Variants in RAB12 observed in about 807,000 individuals in gnomAD.
The protein encoded by RAB12 is RAB12, member RAS oncogene family.
RAB12 carries 11 observed loss-of-function variants against 28.4 expected under a neutral mutation model. The observed-to-expected ratio is 0.39, with a 90% CI of 0.24 to 0.64. The LOEUF is 0.64. Ranked by LOEUF, RAB12 falls within the 30% of genes least tolerant of loss-of-function variation. The pLI, the probability that RAB12 is intolerant of heterozygous loss-of-function variation, is 0.50. For synonymous variants in RAB12, 138 were observed against 145.3 expected, an observed-to-expected ratio of 0.95 and a Z score of 0.36; for missense variants, 276 against 351.1, an observed-to-expected ratio of 0.79 and a Z score of 1.71.
At position 8,625,044 on chromosome 18, in the gene RAB12, C is replaced by T. The variant is rs748364966; in HGVS notation, c.575+46C>T. ...CCAGTAATGTGCTGTGTGTGTTTAACAGTCCATGTACTTGTCTAATAAAAT... is the reference window on the plus strand; with the variant it reads ...CCAGTAATGTGCTGTGTGTGTTTAATAGTCCATGTACTTGTCTAATAAAAT... On this transcript the variant is annotated intron_variant, in intron 2 of 5. Transcript: ENST00000649141. 1.8e-5 allele frequency: 22 copies of T among 1,225,846 alleles called. No homozygotes were observed. In the South Asian group the frequency reaches 2.7e-4, roughly 15 times the overall value. The allele number at this position is 1,225,846 out of a possible 1,614,324, so 75.9% of individuals were successfully genotyped here.
At chr18:8,632,707 A>G (rs866334203) in intron 2 of RAB12, among the ~76,000 whole-genome samples, 2 of 151,126 alleles carry the variant, frequency 1.3e-5, no homozygotes, top group Non-Finnish European at 3.0e-5. Flanking sequence ...ATGCATGTGT[A>G]TCAAGTGTGT....
intron 2 of RAB12, among the ~76,000 whole-genome samples, chr18:8,625,773 T>C (rs111409986): frequency 6.6e-6 from 1 of 152,348 alleles, no homozygotes; most frequent in African/African-American, 2.4e-5. Context: ...AGCTGCGGTG[T>C]ACTCAGCTTA....
At chr18:8,630,478 T>TA (rs1215066714) in intron 2 of RAB12, among the ~76,000 whole-genome samples, 2 of 152,184 alleles carry the variant, frequency 1.3e-5, no homozygotes, top group Non-Finnish European at 2.9e-5. Context: ...TTACCAGACT[T>TA]AAAGTGTGTG....
At position 8,635,519 on chromosome 18, in the gene RAB12, T is replaced by C. The variant is rs769702509; in HGVS notation, c.715-14T>C. On this transcript the variant is annotated splice_polypyrimidine_tract_variant and intron_variant, in intron 3 of 5. Transcript: ENST00000649141. ...GCCCATCTTTGAAATGTGGCTTCTT[T>C]TAAAATTCCACAGTATGCTTCAGAA... The C allele has an allele frequency of 1.9e-6, 3 of 1,600,608 alleles. No homozygotes were observed. Among genetic ancestry groups the C allele is most frequent in the Non-Finnish European group, 2.6e-6 (3 of 1,169,558 alleles).
chr18:8,628,519 G>A (rs553876174), intron 2 of RAB12, among the ~76,000 whole-genome samples: 1 of 152,296 alleles, frequency 6.6e-6, no homozygotes, highest in East Asian at 1.9e-4. Flanking sequence ...TAAGGAATGG[G>A]CTTAAATGGG....
At position 8,635,538 on chromosome 18, in the gene RAB12, T is replaced by C. The variant is rs2096018394; in HGVS notation, c.720T>C (p.Ala240=). ...CTTCTTTTAAAATTCCACAGTATGCTTCAGAAGATGCAGAGCTTCTCTTAG... is the reference window on the plus strand; with the variant it reads ...CTTCTTTTAAAATTCCACAGTATGCCTCAGAAGATGCAGAGCTTCTCTTAG... The part of the protein sequence containing the change: ...PKWMKMIDKY[A]SEDAELLLVG... The change falls in exon 4 of 6, where the codon GCT becomes GCC. Residue 240 remains alanine (A), a synonymous_variant. Transcript: ENST00000649141. 1.2e-6 allele frequency: 2 copies of C among 1,611,502 alleles called. No homozygotes were observed. Among genetic ancestry groups the C allele is most frequent in the Non-Finnish European group, 1.7e-6 (2 of 1,178,442 alleles).
intron 1 of RAB12, among the ~76,000 whole-genome samples, chr18:8,616,720 A>G (rs929725306): frequency 4.6e-5 from 7 of 151,948 alleles, no homozygotes; most frequent in Admixed American, 3.3e-4. Context: ...AAAAGAAAAA[A>G]GAGCAGCCTG....
intron 2 of RAB12, among the ~76,000 whole-genome samples, chr18:8,630,542 C>G (rs1372294091): frequency 6.6e-6 from 1 of 152,180 alleles, no homozygotes; most frequent in Non-Finnish European, 1.5e-5. Context: ...CACTGCTCAT[C>G]ATGGCCAGCA....
At chr18:8,628,558 T>C (rs188967331) in intron 2 of RAB12, among the ~76,000 whole-genome samples, 83 of 152,318 alleles carry the variant, frequency 5.4e-4, no homozygotes, top group African/African-American at 2.0e-3. Context: ...TGTTTCCTCA[T>C]TGGGATTTTT....
chr18:8,614,881 G>A (rs321659), intron 1 of RAB12, among the ~76,000 whole-genome samples: 3,880 of 152,278 alleles, frequency 0.025, 138 homozygotes, highest in African/African-American at 0.087. Flanking sequence ...ATCACCCCCA[G>A]CCAAAAGTTC....
At chr18:8,625,971 G>A (rs1377603248) in intron 2 of RAB12, among the ~76,000 whole-genome samples, 2 of 152,232 alleles carry the variant, frequency 1.3e-5, no homozygotes, top group African/African-American at 4.8e-5. Context: ...AAGCCGCAGT[G>A]CCTGCCTTCT....
intron 1 of RAB12, among the ~76,000 whole-genome samples, chr18:8,613,150 A>G (rs886170737): frequency 3.4e-5 from 5 of 148,566 alleles, no homozygotes; most frequent in Non-Finnish European, 7.4e-5. Context: ...TGAAAAACAG[A>G]GGTTGTATTT....
chr18:8,614,764 TTAG>T (rs1166074442), intron 1 of RAB12, among the ~76,000 whole-genome samples: 1 of 152,178 alleles, frequency 6.6e-6, no homozygotes, highest in East Asian at 1.9e-4. Flanking sequence ...TTTTGTATTT[TTAG>T]TAGTGACAGG....
At chr18:8,622,561 T>C (rs1448471929) in intron 1 of RAB12, among the ~76,000 whole-genome samples, 1 of 152,064 alleles carries the variant, frequency 6.6e-6, no homozygotes, top group Non-Finnish European at 1.5e-5. Flanking sequence ...CTTCACAAGG[T>C]AATAGACTAT....
chr18:8,626,503 T>C (rs1598311453), intron 2 of RAB12, among the ~76,000 whole-genome samples: 2 of 152,038 alleles, frequency 1.3e-5, no homozygotes, highest in East Asian at 3.8e-4. Context: ...GCAGTATTCT[T>C]TATAAAGTAT....
chr18:8,617,758 G>A (rs1057378599), intron 1 of RAB12, among the ~76,000 whole-genome samples: 14 of 152,100 alleles, frequency 9.2e-5, no homozygotes, highest in African/African-American at 2.4e-4. Flanking sequence ...GAGCACAGCC[G>A]GGAGCCAGGC....
chr18:8,635,729 A>G (rs2096018533), intron 4 of RAB12, 107 bp downstream of exon 4: 1 of 671,394 alleles, frequency 1.5e-6, no homozygotes, highest in African/African-American at 1.8e-5. Flanking sequence ...AATTATCAAT[A>G]CAGTGATAAC....
At chr18:8,624,515 G>A (rs970327484) in intron 1 of RAB12, among the ~76,000 whole-genome samples, 1 of 152,080 alleles carries the variant, frequency 6.6e-6, no homozygotes, top group African/African-American at 2.4e-5. Context: ...TCAGACTAAG[G>A]CTATTTGACT....
chr18:8,610,107 A>G, intron 1 of RAB12, 154 bp downstream of exon 1: 2 of 573,360 alleles, frequency 3.5e-6, no homozygotes, highest in South Asian at 4.2e-5. Context: ...AGCGCCCTGC[A>G]TCCCAATCCC....
Sources: gnomAD v4.1 joint callset for allele counts (sites outside exome capture counted in the v4.1 genomes callset) on GRCh38, gnomAD v4.1.1 for gene constraint, MANE v1.5 for transcripts, NCBI Gene and HGNC (gene_info 2026-07-23, HGNC 2026-07-21) for gene names.